The following BRD4 variants were observed in gnomAD, a reference collection of about 807,000 sequenced individuals.
BRD4 encodes the protein bromodomain-containing protein 4.
Under a neutral mutation model 142.1 loss-of-function variants are expected in BRD4, and 16 were observed. The observed-to-expected ratio is 0.11, with a 90% CI of 0.08 to 0.17. The LOEUF (loss-of-function observed/expected upper bound fraction) is 0.17. Ranked by LOEUF, BRD4 falls within the 10% of genes least tolerant of loss-of-function variation. The pLI is 1.00. For missense variants in BRD4, 1,424 were observed against 1,810.9 expected (o/e 0.79, Z 3.88); for synonymous variants, 833 against 707.5 (o/e 1.18, Z -2.82).
chr19:15,269,601 T>C (rs1482251260), intron 2 of BRD4, among the ~76,000 whole-genome samples: 2 of 152,206 alleles, frequency 1.3e-5, no homozygotes, highest in Admixed American at 1.3e-4. Context: ...GGACTTAACG[T>C]TTCTTTCATT....
Position 15,242,914 on chromosome 19 carries a change from T to C in BRD4, c.3155A>G (p.Asp1052Gly), listed in dbSNP as rs2047249777. Residue 1052 changes from aspartate to glycine, a missense_variant, in exon 14 of 20, where the codon GAC becomes GGC. Around this residue, in one of 16 missense-constraint regions of BRD4, gnomAD observed 598 missense variants for 647.8 expected, o/e 0.92. Transcript: ENST00000679869. ...GGACCACTTACCGGTTGAGTAGGGG[T>C]CCGACTTGTGGTGCCGGGGTGAATG... ...HHHSPRHHKS[D>G]PYSTGHLREA... is the part of the protein sequence containing the mutation. The C allele has an allele frequency of 6.2e-7, 1 of 1,605,536 alleles. No individual in the cohort carries two copies. Among genetic ancestry groups the C allele is most frequent in the Non-Finnish European group, 8.5e-7 (1 of 1,177,366 alleles).
chr19:15,306,803 C>T (rs1381146568), intron 1 of BRD4, among the ~76,000 whole-genome samples: 1 of 151,988 alleles, frequency 6.6e-6, no homozygotes, highest in Non-Finnish European at 1.5e-5. Context: ...GTTTGTGGTT[C>T]CCCAAAACTA....
At chr19:15,266,057 C>G (rs1008132178) in intron 4 of BRD4, among the ~76,000 whole-genome samples, 1 of 152,356 alleles carries the variant, frequency 6.6e-6, no homozygotes, top group South Asian at 2.1e-4. Context: ...GCAGTAGCCG[C>G]CCTTGCCAAG....
chr19:15,314,461 G>T (rs2047999687), intron 1 of BRD4, among the ~76,000 whole-genome samples: 1 of 152,124 alleles, frequency 6.6e-6, no homozygotes, highest in Non-Finnish European at 1.5e-5. Flanking sequence ...CAGGGGCCTG[G>T]CTTTCTCAAG....
At chr19:15,301,646 G>C (rs1219556325) in intron 1 of BRD4, among the ~76,000 whole-genome samples, 18 of 151,656 alleles carry the variant, frequency 1.2e-4, no homozygotes, top group Admixed American at 1.2e-3. Context: ...CAGATCACGA[G>C]GTCAGGAGAT....
At chr19:15,262,840 G>A (rs767429313) in intron 7 of BRD4, among the ~76,000 whole-genome samples, 5 of 152,060 alleles carry the variant, frequency 3.3e-5, no homozygotes, top group Admixed American at 6.5e-5. Context: ...TTTAAACTTA[G>A]GTATTTTTCC....
chr19:15,253,481 C>A (rs200090521), intron 11 of BRD4: 2 of 1,419,018 alleles, frequency 1.4e-6, no homozygotes, highest in East Asian at 2.5e-5. Flanking sequence ...ACCCACGGGG[C>A]TTGAAAAGAA....
chr19:15,331,864 G>A (rs942084163), intron 1 of BRD4: 2 of 143,402 alleles, frequency 1.4e-5, no homozygotes, highest in East Asian at 4.4e-4. Context: ...GGACCCCGCG[G>A]CGGCCGCTTC....
intron 1 of BRD4, among the ~76,000 whole-genome samples, chr19:15,292,453 G>T (rs1219696975): frequency 6.6e-6 from 1 of 152,144 alleles, no homozygotes; most frequent in Admixed American, 6.5e-5. Flanking sequence ...AGGGCATCGT[G>T]AGCAAATGAG....
At chr19:15,303,317 T>C (rs1450553046) in intron 1 of BRD4, among the ~76,000 whole-genome samples, 6 of 152,212 alleles carry the variant, frequency 3.9e-5, no homozygotes, top group East Asian at 3.8e-4. Context: ...ATATTTTTCA[T>C]ACTAATGCTT....
At chr19:15,292,259 A>C (rs962170333) in intron 1 of BRD4, among the ~76,000 whole-genome samples, 1 of 151,994 alleles carries the variant, frequency 6.6e-6, no homozygotes. Context: ...TAGGCCAAAA[A>C]CAAAAGAGCT....
rs1323631965 is a variant in BRD4, at chr19:15,237,868, C to T, written c.*509G>A. On this transcript the variant is annotated 3_prime_UTR_variant, in exon 20 of 20. Transcript: ENST00000679869. ...CTGTTCAAGGCAAAGTCAGTGCCAG[C>T]GAGGGGGTGGGCCGGCCTCGCCCGC... 3 of 236,002 alleles carry T rather than the reference C, an allele frequency of 1.3e-5. No homozygotes were observed. The highest frequency in any genetic ancestry group is 6.0e-5 in the East Asian group (1 of 16,540). 14.6% of individuals were successfully genotyped at this position (236,002 alleles called of 1,614,324 possible). A position where few individuals can be genotyped will look rare whatever the true frequency, so the allele number is the denominator to read the frequency against.
chr19:15,252,119 G>T (rs1025372772), intron 11 of BRD4, among the ~76,000 whole-genome samples: 4 of 152,118 alleles, frequency 2.6e-5, no homozygotes, highest in African/African-American at 9.7e-5. Flanking sequence ...GAGGGGTGTG[G>T]GGCACTCGTT....
At chr19:15,326,958 G>C (rs1268317451) in intron 1 of BRD4, among the ~76,000 whole-genome samples, 1 of 152,264 alleles carries the variant, frequency 6.6e-6, no homozygotes, top group African/African-American at 2.4e-5. Flanking sequence ...TGTTCTCTAT[G>C]GAGCAGCATT....
At position 15,238,578 on chromosome 19, in the gene BRD4, C is replaced by T; in HGVS notation, c.4021-133G>A. The T allele has an allele frequency of 6.6e-7, 1 of 1,520,596 alleles. No individual in the cohort carries two copies. The highest frequency in any genetic ancestry group is 8.8e-7 in the Non-Finnish European group (1 of 1,133,208). 94.2% of individuals were successfully genotyped at this position (1,520,596 alleles called of 1,614,324 possible). ...GACCCCTCATAGCGCTCACCCCGTCCACACAGCACTCAGGGCCCTACAGCT... is the reference window on the plus strand; with the variant it reads ...GACCCCTCATAGCGCTCACCCCGTCTACACAGCACTCAGGGCCCTACAGCT... On this transcript the variant is annotated intron_variant, in intron 19 of 19. Transcript: ENST00000679869. The surrounding 1 kb of genome is among the most constrained non-coding windows in gnomAD (Gnocchi z 7.2).
intron 14 of BRD4, 54 bp downstream of exon 14, chr19:15,242,846 A>G: frequency 6.4e-7 from 1 of 1,560,622 alleles, no homozygotes; most frequent in Non-Finnish European, 8.7e-7. Flanking sequence ...CCTGAGGACA[A>G]AACTATAGGC....
chr19:15,253,616 C>A, intron 11 of BRD4: 1 of 1,594,990 alleles, frequency 6.3e-7, no homozygotes, highest in East Asian at 2.2e-5. Context: ...ATGGCTGGGG[C>A]CCAGGTGATG....
chr19:15,251,661 C>CGGGACAG (rs1212749097), intron 11 of BRD4, among the ~76,000 whole-genome samples: 3 of 152,116 alleles, frequency 2.0e-5, no homozygotes, highest in African/African-American at 7.2e-5. Flanking sequence ...GAGTCCTGTG[C>CGGGACAG]GGGACAGGGC....
chr19:15,256,578 CTAAG>C (rs919248534), intron 8 of BRD4, among the ~76,000 whole-genome samples: 38 of 152,212 alleles, frequency 2.5e-4, no homozygotes, highest in Non-Finnish European at 4.1e-4. Flanking sequence ...CCCTAAGAAT[CTAAG>C]TAAGAGCACA....
Sources: allele counts gnomAD v4.1 joint callset (sites outside exome capture counted in the v4.1 genomes callset), GRCh38; gene constraint gnomAD v4.1.1; regional missense constraint gnomAD v4.1.1; non-coding constraint Gnocchi (gnomAD v3.1); transcripts MANE v1.5; gene names NCBI Gene and HGNC (gene_info 2026-07-23, HGNC 2026-07-21).